The following PSEN1 variants were observed in gnomAD, a reference collection of about 807,000 sequenced individuals.
The protein encoded by PSEN1 is presenilin-1.
PSEN1 carries 15 observed loss-of-function variants against 53.5 expected under a neutral mutation model. The ratio of observed to expected loss-of-function variants is 0.28; its 90% CI spans 0.19 to 0.43. The LOEUF is 0.43. PSEN1 is among the 20% of genes least tolerant of loss of function. PSEN1 has a pLI of 1.00. For synonymous variants in PSEN1, 208 were observed against 209.8 expected (o/e 0.99, Z 0.08); for missense variants, 387 against 571.2 (o/e 0.68, Z 3.29).
chr14:73,171,104 A>G, intron 4 of PSEN1, 57 bp downstream of exon 4: 4 of 1,602,714 alleles, frequency 2.5e-6, no homozygotes, highest in African/African-American at 1.3e-5. Context: ...TCTTTACAGC[A>G]TGTCATCATC....
In PSEN1 at chr14:73,193,873, TC is replaced by T. The variant is rs372234096; in HGVS notation, c.769+1010del. On this transcript the variant is annotated intron_variant, in intron 7 of 11. Coordinates refer to ENST00000324501, the MANE Select transcript of PSEN1 (RefSeq NM_000021.4). ...CGTCTTGCTATATTGCCTAGGCTGGTCTTGAACTCTTGGGCTCAAGCAATCC... is the reference window on the plus strand; with the variant it reads ...CGTCTTGCTATATTGCCTAGGCTGGTTTGAACTCTTGGGCTCAAGCAATCC... Among the ~76,000 whole-genome samples, 179 of 152,260 alleles carry T rather than the reference TC, an allele frequency of 1.2e-3. 1 individual carries two copies. The highest frequency in any genetic ancestry group is 4.2e-3 in the African/African-American group (176 of 41,562).
In PSEN1 at chr14:73,180,142, G is replaced by T. The variant is rs191630738; in HGVS notation, c.480+6435G>T. Reference sequence around the variant, plus strand: ...TGGGATTACTGGGACACGCCACCATGCCTGGGTAATTTTTGCATTTTTAGT... The same window carrying T: ...TGGGATTACTGGGACACGCCACCATTCCTGGGTAATTTTTGCATTTTTAGT... On this transcript the variant is annotated intron_variant, in intron 5 of 11. Transcript: ENST00000324501. Among the ~76,000 whole-genome samples, 10 of 152,156 alleles carry T rather than the reference G, an allele frequency of 6.6e-5. No individual in the cohort carries two copies. The East Asian group carries it at 1.7e-3, about 26-fold the overall frequency.
At chr14:73,179,387 C>A (rs764257984) in intron 5 of PSEN1, among the ~76,000 whole-genome samples, 1 of 152,160 alleles carries the variant, frequency 6.6e-6, no homozygotes, top group African/African-American at 2.4e-5. Flanking sequence ...GAGGCCAAGG[C>A]GGGCAGATTG....
chr14:73,193,059 T>C (rs1898790362), intron 7 of PSEN1, among the ~76,000 whole-genome samples, 195 bp downstream of exon 7: 1 of 152,072 alleles, frequency 6.6e-6, no homozygotes, highest in Non-Finnish European at 1.5e-5. Flanking sequence ...GCCTGTAATC[T>C]TAGCACTTTG....
chr14:73,205,404 A>G (rs112089114), intron 8 of PSEN1, among the ~76,000 whole-genome samples: 21 of 150,326 alleles, frequency 1.4e-4, no homozygotes, highest in African/African-American at 4.9e-4. Context: ...GCGTGAACCC[A>G]GGAGACGGAG....
chr14:73,198,228 T>C (rs1899037110), intron 8 of PSEN1, 99 bp downstream of exon 8: 1 of 751,472 alleles, frequency 1.3e-6, no homozygotes, highest in South Asian at 1.5e-5. Context: ...CTTGTTCTCA[T>C]CTTAAATGCA....
chr14:73,179,518 G>A (rs1224082583), intron 5 of PSEN1, among the ~76,000 whole-genome samples: 1 of 152,190 alleles, frequency 6.6e-6, no homozygotes, highest in African/African-American at 2.4e-5. Context: ...TCAGGAGGCT[G>A]AGGCAGGAGT....
At position 73,170,982 on chromosome 14, in the gene PSEN1, C is replaced by T; in HGVS notation, c.273C>T (p.Leu91=). 1 of 1,614,204 alleles carries T rather than the reference C, an allele frequency of 6.2e-7. No homozygotes were observed. The highest frequency in any genetic ancestry group is 8.5e-7 in the Non-Finnish European group (1 of 1,180,044). The change falls in exon 4 of 12, where the codon CTC becomes CTT. Residue 91 remains leucine (L), a synonymous_variant. Coordinates refer to ENST00000324501, the MANE Select transcript of PSEN1 (RefSeq NM_000021.4). The part of the protein sequence containing the change: ...HVIMLFVPVT[L]CMVVVVATIK... ...TCATGCTCTTTGTCCCTGTGACTCTCTGCATGGTGGTGGTCGTGGCTACCA... is the reference window on the plus strand; with the variant it reads ...TCATGCTCTTTGTCCCTGTGACTCTTTGCATGGTGGTGGTCGTGGCTACCA...
At chr14:73,216,404 A>G (rs767216787) in intron 10 of PSEN1, among the ~76,000 whole-genome samples, 2 of 152,192 alleles carry the variant, frequency 1.3e-5, no homozygotes, top group Non-Finnish European at 2.9e-5. Flanking sequence ...AATTTTCCAC[A>G]ATCATTGAAT....
rs576433476 is a variant in PSEN1 at position 73,215,527 on chromosome 14, G to A, written c.1130-1599G>A. 6.0e-5 allele frequency among the ~76,000 whole-genome samples: 9 copies of A among 150,846 alleles called. No individual in the cohort carries two copies. The South Asian group carries it at 1.9e-3, about 32-fold the overall frequency. On this transcript the variant is annotated intron_variant, in intron 10 of 11. Coordinates refer to ENST00000324501, the MANE Select transcript of PSEN1 (RefSeq NM_000021.4). The stretch of plus-strand genomic sequence containing the variant: ...GAAATCGGGAGGTGGAGGTTTCAGT[G>A]AGCCGAGATCACTTAAAAAAAAAAA...
chr14:73,188,642 A>G (rs1282019148), intron 6 of PSEN1, among the ~76,000 whole-genome samples: 1 of 152,234 alleles, frequency 6.6e-6, no homozygotes, highest in East Asian at 1.9e-4. Flanking sequence ...GTCTCTAAAA[A>G]TAAATAAATA....
At chr14:73,174,508 A>G (rs768027634) in intron 5 of PSEN1, among the ~76,000 whole-genome samples, 4 of 151,830 alleles carry the variant, frequency 2.6e-5, no homozygotes, top group Non-Finnish European at 4.4e-5. Flanking sequence ...TGCTGGGATT[A>G]CAGGCATGAG....
intron 5 of PSEN1, among the ~76,000 whole-genome samples, chr14:73,175,817 A>G (rs1898033736): frequency 6.6e-6 from 1 of 152,162 alleles, no homozygotes; most frequent in Non-Finnish European, 1.5e-5. Flanking sequence ...TAGAAGTAGA[A>G]TTTTTGGGGC....
chr14:73,145,908 A>G (rs1594961720), intron 1 of PSEN1, among the ~76,000 whole-genome samples: 5 of 151,950 alleles, frequency 3.3e-5, no homozygotes, highest in Admixed American at 3.3e-4. Context: ...GGAGTTTGAG[A>G]CCAGCCTGGC....
chr14:73,187,164 T>C (rs188757023), intron 6 of PSEN1, among the ~76,000 whole-genome samples: 127 of 152,354 alleles, frequency 8.3e-4, no homozygotes, highest in Non-Finnish European at 1.4e-3. Context: ...TAAGCCTTTT[T>C]GAAGATTATA....
chr14:73,160,298 C>G (rs988176601), intron 3 of PSEN1, among the ~76,000 whole-genome samples: 2 of 152,208 alleles, frequency 1.3e-5, no homozygotes, highest in African/African-American at 4.8e-5. Context: ...TGTGAGTAGA[C>G]ATTTGGGTTA....
At chr14:73,141,223 C>T (rs1838776191) in intron 1 of PSEN1, among the ~76,000 whole-genome samples, 2 of 152,078 alleles carry the variant, frequency 1.3e-5, no homozygotes, top group Admixed American at 6.6e-5. Context: ...GTGTATTCCT[C>T]CCTTGGCCAG....
At chr14:73,217,913 G>A (rs1408491622) in intron 11 of PSEN1, among the ~76,000 whole-genome samples, 3 of 146,158 alleles carry the variant, frequency 2.1e-5, no homozygotes, top group Non-Finnish European at 4.5e-5. Context: ...TCAGCCTCCC[G>A]AGTAGCTGGG....
intron 5 of PSEN1, among the ~76,000 whole-genome samples, chr14:73,179,014 C>T (rs1898126633): frequency 6.6e-6 from 1 of 152,144 alleles, no homozygotes; most frequent in Non-Finnish European, 1.5e-5. Context: ...TGGGAATGGA[C>T]CCACAAGTTT....
Sources: allele counts gnomAD v4.1 joint callset (sites outside exome capture counted in the v4.1 genomes callset), GRCh38; gene constraint gnomAD v4.1.1; transcripts MANE v1.5; gene names NCBI Gene and HGNC (gene_info 2026-07-23, HGNC 2026-07-21).